Variants in AUTS2 observed in about 807,000 individuals in gnomAD.
AUTS2 encodes autism susceptibility gene 2 protein.
In AUTS2, 17 loss-of-function variants were observed where a neutral mutation model predicts 112.4. The observed-to-expected ratio is 0.15, with a 90% CI of 0.10 to 0.23. The LOEUF (loss-of-function observed/expected upper bound fraction) is 0.23, where lower values mean the gene tolerates loss of function less well. Ranked by LOEUF, AUTS2 falls within the 10% of genes least tolerant of loss-of-function variation. The pLI, the probability that AUTS2 is intolerant of heterozygous loss-of-function variation, is 1.00. For missense variants in AUTS2, 1,510 were observed against 1,701.6 expected, an observed-to-expected ratio of 0.89 and a Z score of 1.98; for synonymous variants, 751 against 702.7, an observed-to-expected ratio of 1.07 and a Z score of -1.09.
At chr7:70,581,636 C>G (rs1413004444) in intron 5 of AUTS2, among the ~76,000 whole-genome samples, 1 of 152,020 alleles carries the variant, frequency 6.6e-6, no homozygotes, top group Non-Finnish European at 1.5e-5. Flanking sequence ...TGTTACCCAC[C>G]ACAGTACTCT....
chr7:70,608,292 A>G (rs1283891859), intron 5 of AUTS2, among the ~76,000 whole-genome samples: 1 of 151,960 alleles, frequency 6.6e-6, no homozygotes. Flanking sequence ...TTTTGTATAG[A>G]TGGGGTCTCA....
intron 4 of AUTS2, among the ~76,000 whole-genome samples, chr7:70,277,930 G>T (rs1018051139): frequency 7.7e-6 from 1 of 130,514 alleles, no homozygotes; most frequent in African/African-American, 3.3e-5. Flanking sequence ...GTGTATTTGT[G>T]TGTGTGTGTG....
At chr7:69,930,848 A>G (rs745841589) in intron 2 of AUTS2, among the ~76,000 whole-genome samples, 1 of 152,184 alleles carries the variant, frequency 6.6e-6, no homozygotes, top group Non-Finnish European at 1.5e-5. Context: ...ACACTAAAAA[A>G]TAGTAAAATC....
At chr7:70,130,053 C>G (rs1174875595) in intron 3 of AUTS2, among the ~76,000 whole-genome samples, 3 of 152,096 alleles carry the variant, frequency 2.0e-5, no homozygotes, top group Non-Finnish European at 4.4e-5. Flanking sequence ...AAGAAATTTA[C>G]TTGTTCATGT....
At chr7:69,946,825 A>G (rs1029847227) in intron 2 of AUTS2, among the ~76,000 whole-genome samples, 1 of 152,206 alleles carries the variant, frequency 6.6e-6, no homozygotes, top group African/African-American at 2.4e-5. Flanking sequence ...TGTCTTGAAT[A>G]TAGAAGCAAC....
chr7:70,217,614 C>A (rs1347950996), intron 4 of AUTS2, among the ~76,000 whole-genome samples: 1 of 152,072 alleles, frequency 6.6e-6, no homozygotes, highest in Non-Finnish European at 1.5e-5. Context: ...TTTGGAAGGT[C>A]GACATGAGGT....
chr7:70,311,928 A>G (rs1420588032), intron 4 of AUTS2, among the ~76,000 whole-genome samples: 1 of 152,156 alleles, frequency 6.6e-6, no homozygotes, highest in African/African-American at 2.4e-5. Context: ...GTTAGCCAGG[A>G]TGGTCTTGAT....
intron 5 of AUTS2, among the ~76,000 whole-genome samples, chr7:70,643,945 G>T (rs751483027): frequency 6.6e-6 from 1 of 151,986 alleles, no homozygotes; most frequent in East Asian, 1.9e-4. Flanking sequence ...CTGCTATGAC[G>T]TCCTGGCTCG....
intron 1 of AUTS2, among the ~76,000 whole-genome samples, chr7:69,840,303 G>C (rs745929366): frequency 1.3e-5 from 2 of 152,186 alleles, no homozygotes; most frequent in Non-Finnish European, 2.9e-5. Context: ...ATTAAGCTCT[G>C]AAACAAAATT....
At chr7:70,058,166 G>A (rs1018736432) in intron 2 of AUTS2, among the ~76,000 whole-genome samples, 37 of 152,144 alleles carry the variant, frequency 2.4e-4, no homozygotes, top group African/African-American at 8.0e-4. Context: ...AGTACAGTGT[G>A]ATTTTCTTTT....
At chr7:70,295,198 G>T (rs1788876621) in intron 4 of AUTS2, among the ~76,000 whole-genome samples, 1 of 152,168 alleles carries the variant, frequency 6.6e-6, no homozygotes, top group Non-Finnish European at 1.5e-5. Context: ...CTTAAGATGG[G>T]TCTTAATCAC....
At chr7:70,743,139 G>A (rs1376112515) in intron 6 of AUTS2, among the ~76,000 whole-genome samples, 8 of 152,076 alleles carry the variant, frequency 5.3e-5, no homozygotes, top group Non-Finnish European at 2.9e-5. Flanking sequence ...AGTTACTACT[G>A]ATAATAAGCT....
chr7:69,709,042 T>C (rs10253941), intron 1 of AUTS2, among the ~76,000 whole-genome samples: 57 of 152,304 alleles, frequency 3.7e-4, no homozygotes, highest in African/African-American at 1.3e-3. Context: ...ACTAAGTACT[T>C]GTTTCCTTGT....
intron 4 of AUTS2, among the ~76,000 whole-genome samples, chr7:70,421,786 G>T (rs1439085550): frequency 1.3e-5 from 2 of 152,152 alleles, no homozygotes; most frequent in African/African-American, 4.8e-5. Flanking sequence ...TGTAATTGCA[G>T]CATTCAGAAA....
Position 70,774,106 on chromosome 7 carries a change from G to T in AUTS2, c.1902+7G>T. The T allele has an allele frequency of 6.2e-7, 1 of 1,614,090 alleles. No homozygotes were observed. The highest frequency in any genetic ancestry group is 8.5e-7 in the Non-Finnish European group (1 of 1,179,930). On this transcript the variant is annotated splice_region_variant and intron_variant, in intron 12 of 18. Coordinates refer to ENST00000342771, the MANE Select transcript of AUTS2 (RefSeq NM_015570.4). ...ACTCCAAAAGGACCCGAGGGTACGT[G>T]CAAAGTCAGGCTTGGTCTCAGGTAA...
chr7:70,215,665 T>C (rs779954852), intron 4 of AUTS2, among the ~76,000 whole-genome samples: 56 of 152,294 alleles, frequency 3.7e-4, no homozygotes, highest in Non-Finnish European at 5.7e-4. Context: ...ACTGGACTTA[T>C]ATCAGTTGAA....
chr7:69,741,809 C>CT lies in AUTS2; in HGVS notation c.309+141859dup, dbSNP rs768610985. ...AACCTAAATCCAGTATTTGTTTTGC[C>CT]TTTTTTTTTTTTGAGACAGGGCCTC... On this transcript the variant is annotated intron_variant, in intron 1 of 18. Coordinates refer to ENST00000342771, the MANE Select transcript of AUTS2 (RefSeq NM_015570.4). Among the ~76,000 whole-genome samples, 564 of 144,714 alleles carry CT rather than the reference C, an allele frequency of 3.9e-3. 4 individuals are homozygous for CT. Among genetic ancestry groups the CT allele is most frequent in the African/African-American group, 0.012 (464 of 39,784 alleles). 94.9% of individuals were successfully genotyped at this position (144,714 alleles called of 152,430 possible).
At chr7:70,082,179 ATGGAAAT>A (rs2129565110) in intron 2 of AUTS2, among the ~76,000 whole-genome samples, 1 of 152,330 alleles carries the variant, frequency 6.6e-6, no homozygotes, top group South Asian at 2.1e-4. Context: ...GAATGTAACT[ATGGAAAT>A]AAAATGACTT....
intron 1 of AUTS2, among the ~76,000 whole-genome samples, chr7:69,602,385 T>C (rs1048010437): frequency 6.6e-6 from 1 of 152,180 alleles, no homozygotes; most frequent in Non-Finnish European, 1.5e-5. Context: ...ATATCATATG[T>C]CTATCTATGT....
Sources: gnomAD v4.1 joint callset for allele counts (sites outside exome capture counted in the v4.1 genomes callset) on GRCh38, gnomAD v4.1.1 for gene constraint, MANE v1.5 for transcripts, NCBI Gene and HGNC (gene_info 2026-07-23, HGNC 2026-07-21) for gene names.